PFKFB3: variants seen among roughly 807,000 people sequenced by gnomAD.
The protein encoded by PFKFB3 is 6-phosphofructo-2-kinase/fructose-2,6-bisphosphatase 3.
Under a neutral mutation model 68.0 loss-of-function variants are expected in PFKFB3, and 33 were observed. The observed-to-expected ratio is 0.49, with a 90% CI of 0.37 to 0.65. The LOEUF (loss-of-function observed/expected upper bound fraction) is 0.65. PFKFB3 is among the 30% of genes least tolerant of loss of function. The pLI is 0.00. For synonymous variants in PFKFB3, 315 were observed against 288.2 expected (o/e 1.09, Z -0.94); for missense variants, 586 against 712.2 (o/e 0.82, Z 2.02).
chr10:6,283,328 G>C, the PFKFB3 span, among the ~76,000 whole-genome samples: 3 of 152,144 alleles, frequency 2.0e-5, no homozygotes, highest in Non-Finnish European at 4.4e-5. Flanking sequence ...GTGCGTATGG[G>C]GGCAGGTGGG....
At chr10:6,302,204 G>A in the PFKFB3 span, among the ~76,000 whole-genome samples, 9 of 150,964 alleles carry the variant, frequency 6.0e-5, no homozygotes, top group South Asian at 4.2e-4. Context: ...ACAGGTATGC[G>A]CCACCACATC....
chr10:6,211,599 C>T (rs1354332630), intron 1 of PFKFB3, among the ~76,000 whole-genome samples: 1 of 152,188 alleles, frequency 6.6e-6, no homozygotes, highest in Non-Finnish European at 1.5e-5. Flanking sequence ...CACCATCTCT[C>T]CGTGTGCCCC....
intron 1 of PFKFB3, among the ~76,000 whole-genome samples, chr10:6,165,929 C>T (rs1164791872): frequency 6.6e-6 from 1 of 151,454 alleles, no homozygotes; most frequent in Non-Finnish European, 1.5e-5. Flanking sequence ...ATTCTCTTCC[C>T]TCAGCCTCGT....
intron 1 of PFKFB3, among the ~76,000 whole-genome samples, chr10:6,183,729 C>T (rs1163757473): frequency 6.7e-6 from 1 of 150,290 alleles, no homozygotes. Flanking sequence ...GCTCTGTCAC[C>T]CAGGCTGGAG....
intron 14 of PFKFB3, among the ~76,000 whole-genome samples, chr10:6,252,190 G>C: frequency 6.6e-6 from 1 of 152,178 alleles, no homozygotes; most frequent in East Asian, 1.9e-4. Context: ...ATTTATGGGA[G>C]AGCCTTTTGG....
chr10:6,185,796 C>T (rs668773), intron 1 of PFKFB3, among the ~76,000 whole-genome samples: 100,913 of 151,846 alleles, frequency 0.66, 33,834 homozygotes, highest in Middle Eastern at 0.72. Flanking sequence ...CCCACCACCA[C>T]GCCCAGCTAA....
At chr10:6,198,245 CAAA>C (rs58649656), upstream of PFKFB3, among the ~76,000 whole-genome samples, 4,310 of 114,344 alleles carry the variant, frequency 0.038, 186 homozygotes, top group African/African-American at 0.11. Flanking sequence ...GACTCCGTCT[CAAA>C]AAAAAAAAAA....
the PFKFB3 span, chr10:6,293,343 T>G: frequency 4.2e-6 from 1 of 238,768 alleles, no homozygotes; most frequent in Non-Finnish European, 8.5e-6. Flanking sequence ...GATGTTATCT[T>G]TTCTTTCTTT....
chr10:6,164,872 T>C (rs1842080813), intron 1 of PFKFB3, among the ~76,000 whole-genome samples: 2 of 152,180 alleles, frequency 1.3e-5, no homozygotes, highest in South Asian at 4.1e-4. Flanking sequence ...GCATATCGCC[T>C]ACAGCCACAG....
intron 1 of PFKFB3, among the ~76,000 whole-genome samples, chr10:6,211,373 T>A (rs1844222775): frequency 6.6e-6 from 1 of 152,132 alleles, no homozygotes; most frequent in South Asian, 2.1e-4. Flanking sequence ...GCTGAGAGTA[T>A]GTGTGTGCGT....
chr10:6,170,884 C>T (rs1408372141), intron 1 of PFKFB3, among the ~76,000 whole-genome samples: 1 of 152,062 alleles, frequency 6.6e-6, no homozygotes, highest in Non-Finnish European at 1.5e-5. Context: ...AAAAGAAAAG[C>T]TCAGGAAGAG....
At chr10:6,283,220 G>A in the PFKFB3 span, among the ~76,000 whole-genome samples, 6 of 152,096 alleles carry the variant, frequency 3.9e-5, no homozygotes, top group South Asian at 2.1e-4. Flanking sequence ...CACCCGCCTC[G>A]GCCTCCCAAA....
chr10:6,267,120 C>A, the PFKFB3 span, among the ~76,000 whole-genome samples: 2 of 152,222 alleles, frequency 1.3e-5, no homozygotes, highest in African/African-American at 2.4e-5. Context: ...TTATATTGTG[C>A]AGTGACAATT....
At chr10:6,147,034 G>A (rs1417838643) in intron 1 of PFKFB3, among the ~76,000 whole-genome samples, 1 of 152,214 alleles carries the variant, frequency 6.6e-6, no homozygotes, top group Non-Finnish European at 1.5e-5. Flanking sequence ...TATCGAGGCA[G>A]AGCTTCCCCA....
At chr10:6,288,826 T>G in the PFKFB3 span, among the ~76,000 whole-genome samples, 2 of 152,172 alleles carry the variant, frequency 1.3e-5, no homozygotes, top group Non-Finnish European at 2.9e-5. Context: ...ACCAACAGTG[T>G]AAAAGTGTTC....
chr10:6,292,933 T>G, the PFKFB3 span, among the ~76,000 whole-genome samples: 143,734 of 152,268 alleles, frequency 0.94, 68,434 homozygotes, highest in East Asian at 1. Context: ...TCTGAACAGG[T>G]TATCAGATGA....
the PFKFB3 span, among the ~76,000 whole-genome samples, chr10:6,301,117 T>C: frequency 1.3e-5 from 2 of 151,206 alleles, no homozygotes; most frequent in Non-Finnish European, 3.0e-5. Context: ...TGAGATGATA[T>C]CTTGCTCTGT....
chr10:6,191,015 G>A (rs768311114), intron 1 of PFKFB3, among the ~76,000 whole-genome samples: 21 of 152,070 alleles, frequency 1.4e-4, no homozygotes. Flanking sequence ...CTGGGCTTAA[G>A]CGATCCTCCC....
intron 1 of PFKFB3, among the ~76,000 whole-genome samples, chr10:6,155,650 A>G (rs11257012): frequency 0.063 from 9,616 of 151,914 alleles, 336 homozygotes; most frequent in East Asian, 0.17. Flanking sequence ...TCCTGGACAG[A>G]CCCCACCCAG....
Sources: gnomAD v4.1 joint callset for allele counts (sites outside exome capture counted in the v4.1 genomes callset) on GRCh38, gnomAD v4.1.1 for gene constraint, MANE v1.5 for transcripts, NCBI Gene and HGNC (gene_info 2026-07-23, HGNC 2026-07-21) for gene names.